The following MCL1 variants were observed in gnomAD, a reference collection of about 807,000 sequenced individuals.
MCL1 encodes the protein MCL1 apoptosis regulator, BCL2 family member.
In MCL1, 4 loss-of-function variants were observed where a neutral mutation model predicts 24.2. The observed-to-expected ratio is 0.17, with a 90% CI of 0.08 to 0.38. The LOEUF is 0.38. MCL1 is among the 10% of genes least tolerant of loss of function. MCL1 has a pLI of 1.00. For missense variants in MCL1, 529 were observed against 480.3 expected, an observed-to-expected ratio of 1.10 and a Z score of -0.95; for synonymous variants, 248 against 214.0, an observed-to-expected ratio of 1.16 and a Z score of -1.39.
chr1:150,577,373 G>C lies in MCL1; in HGVS notation c.*2C>G, dbSNP rs148874038. 7.4e-6 allele frequency: 12 copies of C among 1,613,036 alleles called. No individual in the cohort carries two copies. Among genetic ancestry groups the C allele is most frequent in the Non-Finnish European group, 7.6e-6 (9 of 1,179,670 alleles). ...AAGTCAACTATTGCACTTACAGTAA[G>C]GCTATCTTATTAGATATGCCAAACC... On this transcript the variant is annotated 3_prime_UTR_variant, in exon 3 of 3. Coordinates refer to ENST00000369026, the MANE Select transcript of MCL1 (RefSeq NM_021960.5).
In MCL1 at chr1:150,579,578, A is replaced by G. The variant is rs1184552028; in HGVS notation, c.-48T>C. On this transcript the variant is annotated 5_prime_UTR_variant, in exon 1 of 3. Transcript: ENST00000369026. ...GCTGAGAAAACTGGGGAAGACCCCG[A>G]CTCCTTACTGGAAGGAAGCGGAAGT... 6.5e-7 allele frequency: 1 copy of G among 1,545,052 alleles called. No individual in the cohort carries two copies. Among genetic ancestry groups the G allele is most frequent in the Non-Finnish European group, 8.8e-7 (1 of 1,142,244 alleles).
At position 150,579,458 on chromosome 1, in the gene MCL1, T is replaced by TGCCGGCCCCCAA; in HGVS notation, c.61_72dup (p.Leu21_Gly24dup). Reference sequence around the variant, plus strand: ...CCTCCCGGGCGGGTGGCGCCGCCGCTGCCGGCCCCCAAGCCGGCCCCCCCA... The same window carrying TGCCGGCCCCCAA: ...CCTCCCGGGCGGGTGGCGCCGCCGCTGCCGGCCCCCAAGCCGGCCCCCAAGCCGGCCCCCCCA... On this transcript the variant is annotated inframe_insertion, in exon 1 of 3. Coordinates refer to ENST00000369026, the MANE Select transcript of MCL1 (RefSeq NM_021960.5). 1.9e-6 allele frequency: 3 copies of TGCCGGCCCCCAA among 1,592,224 alleles called. No homozygotes were observed. Among genetic ancestry groups the TGCCGGCCCCCAA allele is most frequent in the Non-Finnish European group, 2.6e-6 (3 of 1,171,316 alleles).
Position 150,576,736 on chromosome 1 carries a change from ATAAC to A in MCL1, c.*635_*638del, listed in dbSNP as rs1485961240. 1.3e-5 allele frequency: 3 copies of A among 232,542 alleles called. No homozygotes were observed. The highest frequency in any genetic ancestry group is 2.6e-5 in the Non-Finnish European group (3 of 117,616). 14.4% of individuals were successfully genotyped at this position (232,542 alleles called of 1,614,324 possible). A position where few individuals can be genotyped will look rare whatever the true frequency, so the allele number is the denominator to read the frequency against. ...TTAAGAATTGAGGATATCCATATTC[ATAAC>A]TAATTACTGAGCCTTCCGTCAAGTA... On this transcript the variant is annotated 3_prime_UTR_variant, in exon 3 of 3. Coordinates refer to ENST00000369026, the MANE Select transcript of MCL1 (RefSeq NM_021960.5).
intron 2 of MCL1, 133 bp downstream of exon 2, chr1:150,578,111 A>G (rs1324286445): frequency 1.0e-6 from 1 of 974,988 alleles, no homozygotes; most frequent in African/African-American, 1.6e-5. Context: ...ACATCAAATA[A>G]ACAATGGTCC....
At chr1:150,578,126 G>A (rs587765142) in intron 2 of MCL1, 118 bp downstream of exon 2, 9 of 1,113,312 alleles carry the variant, frequency 8.1e-6, no homozygotes, top group East Asian at 2.4e-5. Flanking sequence ...TGGTCCTTTA[G>A]TTAGAGCCTG....
chr1:150,578,294 C>T lies in MCL1; in HGVS notation c.886G>A (p.Asp296Asn), dbSNP rs1386022459. The T allele has an allele frequency of 1.2e-6, 2 of 1,614,092 alleles. No individual in the cohort carries two copies. Among genetic ancestry groups the T allele is most frequent in the Non-Finnish European group, 1.7e-6 (2 of 1,180,038 alleles). Residue 296 changes from aspartate (D) to asparagine (N), a missense_variant, in exon 2 of 3, where the codon GAC becomes AAC. Asp to Asn is a conservative substitution (Grantham distance 23). Coordinates refer to ENST00000369026, the MANE Select transcript of MCL1 (RefSeq NM_021960.5). ...CIEPLAESIT[D>N]VLVRTKRDWL... is the part of the protein sequence containing the mutation. ...TCCCGTTTTGTCCTTACGAGAACGTCTGTGATACTTTCTGCTAATGGTTCG... is the reference window on the plus strand; with the variant it reads ...TCCCGTTTTGTCCTTACGAGAACGTTTGTGATACTTTCTGCTAATGGTTCG...
chr1:150,578,128 T>A (rs1316250389), intron 2 of MCL1, 116 bp downstream of exon 2: 27 of 1,128,094 alleles, frequency 2.4e-5, no homozygotes, highest in Non-Finnish European at 1.3e-6. Flanking sequence ...GTCCTTTAGT[T>A]AGAGCCTGCA....
chr1:150,574,689 T>C lies in MCL1; in HGVS notation c.*2686A>G, dbSNP rs1443473150. 1 of 233,280 alleles carries C rather than the reference T, an allele frequency of 4.3e-6. No individual in the cohort carries two copies. Among genetic ancestry groups the C allele is most frequent in the East Asian group, 6.0e-5 (1 of 16,530 alleles). 14.5% of individuals were successfully genotyped at this position (233,280 alleles called of 1,614,324 possible). On this transcript the variant is annotated 3_prime_UTR_variant, in exon 3 of 3. Transcript: ENST00000369026. The stretch of plus-strand genomic sequence containing the variant: ...GCACAGCTATCAAAAGTACAGCTGT[T>C]TAACCAGAACCAAGGTGTTCACCCC...
intron 2 of MCL1, 130 bp downstream of exon 2, chr1:150,578,114 A>C: frequency 1.0e-6 from 1 of 985,102 alleles, no homozygotes; most frequent in African/African-American, 1.6e-5. Flanking sequence ...TCAAATAAAC[A>C]ATGGTCCTTT....
rs1647861145 is a variant in MCL1, at chr1:150,577,507, G to A, written c.937-16C>T. On this transcript the variant is annotated splice_polypyrimidine_tract_variant and intron_variant, in intron 2 of 2. Transcript: ENST00000369026. ...CAAACCCATCCTAGAAAACAAAAAA[G>A]AAAAGCACATTTTCAAGTATGGGTT... The A allele has an allele frequency of 6.3e-7, 1 of 1,591,100 alleles. No homozygotes were observed. The highest frequency in any genetic ancestry group is 8.5e-7 in the Non-Finnish European group (1 of 1,173,238).
chr1:150,576,656 AAT>A lies in MCL1; in HGVS notation c.*717_*718del, dbSNP rs1570980162. The A allele has an allele frequency of 1.7e-5, 4 of 232,466 alleles. No individual in the cohort carries two copies. In the East Asian group the frequency reaches 2.5e-4, roughly 14 times the overall value. 14.4% of individuals were successfully genotyped at this position (232,466 alleles called of 1,614,324 possible). On this transcript the variant is annotated 3_prime_UTR_variant, in exon 3 of 3. Transcript: ENST00000369026. Reference sequence around the variant, plus strand: ...TTCGATACTTCCTTCGTTTCAAAGAAATAGACTTTCTGTAAAAATATATACAA... The same window carrying A: ...TTCGATACTTCCTTCGTTTCAAAGAAAGACTTTCTGTAAAAATATATACAA...
At position 150,575,202 on chromosome 1, in the gene MCL1, G is replaced by A. The variant is rs1324852668; in HGVS notation, c.*2173C>T. 1 of 233,038 alleles carries A rather than the reference G, an allele frequency of 4.3e-6. No individual in the cohort carries two copies. The highest frequency in any genetic ancestry group is 6.1e-5 in the East Asian group (1 of 16,514). 14.4% of individuals were successfully genotyped at this position (233,038 alleles called of 1,614,324 possible). A position where few individuals can be genotyped will look rare whatever the true frequency, so the allele number is the denominator to read the frequency against. On this transcript the variant is annotated 3_prime_UTR_variant, in exon 3 of 3. Coordinates refer to ENST00000369026, the MANE Select transcript of MCL1 (RefSeq NM_021960.5). The stretch of plus-strand genomic sequence containing the variant: ...AAATAAGCGGCTTATGATCAAGAAC[G>A]ATAAATACATAGGTAAAAATAGCTC...
rs1169391999 is a variant in MCL1 at position 150,578,248 on chromosome 1, C to T, written c.932G>A (p.Gly311Asp). 6.2e-7 allele frequency: 1 copy of T among 1,613,156 alleles called. No homozygotes were observed. Among genetic ancestry groups the T allele is most frequent in the East Asian group, 2.2e-5 (1 of 44,884 alleles). ...TCATCCTTAAGGCAAACTTACCCAG[C>T]CTCTTTGTTTAACTAGCCAGTCCCG... is the stretch of plus-strand genomic sequence containing the variant. ...TKRDWLVKQR[G>D]WDGFVEFFHV... The change falls in exon 2 of 3, where the codon GGC becomes GAC. Residue 311 changes from glycine (G) to aspartate (D), a missense_variant. Transcript: ENST00000369026.
At position 150,579,129 on chromosome 1, in the gene MCL1, G is replaced by T. The variant is rs764786930; in HGVS notation, c.402C>A (p.Leu134=). 2 of 1,612,594 alleles carry T rather than the reference G, an allele frequency of 1.2e-6. No individual in the cohort carries two copies. The highest frequency in any genetic ancestry group is 3.3e-5 in the Admixed American group (2 of 60,028). Residue 134 remains leucine, a synonymous_variant, in exon 1 of 3, where the codon CTC becomes CTA. Transcript: ENST00000369026. ...EELDGYEPEP[L]GKRPAVLPLL... ...GCGGCAGGACAGCCGGCCGCTTCCC[G>T]AGAGGCTCCGGCTCGTACCCGTCCA... is the stretch of plus-strand genomic sequence containing the variant.
In MCL1 at chr1:150,576,360, T is replaced by G. The variant is rs1647803651; in HGVS notation, c.*1015A>C. The G allele has an allele frequency of 4.3e-6, 1 of 232,500 alleles. No individual in the cohort carries two copies. The highest frequency in any genetic ancestry group is 8.5e-6 in the Non-Finnish European group (1 of 117,532). 14.4% of individuals were successfully genotyped at this position (232,500 alleles called of 1,614,324 possible). On this transcript the variant is annotated 3_prime_UTR_variant, in exon 3 of 3. Coordinates refer to ENST00000369026, the MANE Select transcript of MCL1 (RefSeq NM_021960.5). Reference sequence around the variant, plus strand: ...TATTGAAAACTTGCATATAATGAAGTGAAAGAATTTCCATTCATCAACCTC... The same window carrying G: ...TATTGAAAACTTGCATATAATGAAGGGAAAGAATTTCCATTCATCAACCTC...
chr1:150,574,953 A>T lies in MCL1; in HGVS notation c.*2422T>A, dbSNP rs1008834641. 2 of 233,118 alleles carry T rather than the reference A, an allele frequency of 8.6e-6. No individual in the cohort carries two copies. Among genetic ancestry groups the T allele is most frequent in the East Asian group, 1.2e-4 (2 of 16,584 alleles). 14.4% of individuals were successfully genotyped at this position (233,118 alleles called of 1,614,324 possible). ...TTTCCCAAACCACTTGGGGTGTCCT[A>T]AGCCCTCACTGCCCCAAGCCCAAAA... is the stretch of plus-strand genomic sequence containing the variant. On this transcript the variant is annotated 3_prime_UTR_variant, in exon 3 of 3. Transcript: ENST00000369026.
rs773499470 is a variant in MCL1 at position 150,578,423 on chromosome 1, C to G, written c.757G>C (p.Val253Leu). The G allele has an allele frequency of 6.2e-7, 1 of 1,614,204 alleles. No homozygotes were observed. The highest frequency in any genetic ancestry group is 8.5e-7 in the Non-Finnish European group (1 of 1,180,018). Residue 253 changes from valine to leucine, a missense_variant, in exon 2 of 3, where the codon GTT (valine) becomes CTT (leucine). Physicochemically the swap from Val to Leu is conservative, Grantham distance 32. Transcript: ENST00000369026. ...CAGTTTGTTACGCCGTCGCTGAAAA[C>G]ATGGATCATCACTCGAGACAACGAT... is the stretch of plus-strand genomic sequence containing the variant. ...VKSLSRVMIH[V>L]FSDGVTNWGR...
At position 150,579,577 on chromosome 1, in the gene MCL1, G is replaced by T. The variant is rs757656262; in HGVS notation, c.-47C>A. Reference sequence around the variant, plus strand: ...GGCTGAGAAAACTGGGGAAGACCCCGACTCCTTACTGGAAGGAAGCGGAAG... The same window carrying T: ...GGCTGAGAAAACTGGGGAAGACCCCTACTCCTTACTGGAAGGAAGCGGAAG... On this transcript the variant is annotated 5_prime_UTR_variant, in exon 1 of 3. Transcript: ENST00000369026. 1.3e-6 allele frequency: 2 copies of T among 1,549,346 alleles called. No homozygotes were observed. Among genetic ancestry groups the T allele is most frequent in the African/African-American group, 1.4e-5 (1 of 71,236 alleles).
rs1453457689 is a variant in MCL1, at chr1:150,576,849, G to A, written c.*526C>T. 1 of 233,110 alleles carries A rather than the reference G, an allele frequency of 4.3e-6. No individual in the cohort carries two copies. Among genetic ancestry groups the A allele is most frequent in the Non-Finnish European group, 8.5e-6 (1 of 117,872 alleles). 14.4% of individuals were successfully genotyped at this position (233,110 alleles called of 1,614,324 possible). ...ACAGGTATAAAAGTCCTGAACACTTGGACTTTCTAAGAAGTATACTGGGAA... is the reference window on the plus strand; with the variant it reads ...ACAGGTATAAAAGTCCTGAACACTTAGACTTTCTAAGAAGTATACTGGGAA... On this transcript the variant is annotated 3_prime_UTR_variant, in exon 3 of 3. Coordinates refer to ENST00000369026, the MANE Select transcript of MCL1 (RefSeq NM_021960.5).
Sources: allele counts gnomAD v4.1 joint callset, GRCh38; gene constraint gnomAD v4.1.1; transcripts MANE v1.5; gene names NCBI Gene and HGNC (gene_info 2026-07-23, HGNC 2026-07-21).